The following LINGO2 variants were observed in gnomAD, a reference collection of about 807,000 sequenced individuals.
The protein encoded by LINGO2 is leucine rich repeat and Ig domain containing 2, also known as leucine-rich repeat and immunoglobulin-like domain-containing nogo receptor-interacting protein 2.
In LINGO2, 14 loss-of-function variants were observed where a neutral mutation model predicts 30.6. That is an observed-to-expected ratio of 0.46 (90% CI 0.30 to 0.72). LINGO2 has a LOEUF of 0.72. Among genes scored for constraint, LINGO2 ranks in the 30% least tolerant of loss-of-function variants. LINGO2 has a pLI of 0.07. For synonymous variants in LINGO2, 317 were observed against 288.5 expected (o/e 1.10, Z -1.00); for missense variants, 729 against 751.7 (o/e 0.97, Z 0.35).
chr9:28,607,056 T>C (rs926917260), intron 1 of LINGO2, among the ~76,000 whole-genome samples: 4 of 152,000 alleles, frequency 2.6e-5, no homozygotes, highest in African/African-American at 4.8e-5. Flanking sequence ...CCGAAGGAAA[T>C]GTGGGAAATA....
the LINGO2 span, among the ~76,000 whole-genome samples, chr9:28,692,341 G>T: frequency 1.3e-5 from 2 of 152,096 alleles, no homozygotes; most frequent in Admixed American, 6.5e-5. Flanking sequence ...CAAGTGTGGT[G>T]GTGTGCACCT....
At chr9:28,789,569 G>GAATTGAA in the LINGO2 span, among the ~76,000 whole-genome samples, 1 of 152,118 alleles carries the variant, frequency 6.6e-6, no homozygotes, top group Admixed American at 6.5e-5. Context: ...GGTACCTGTT[G>GAATTGAA]CTAGTCAGGT....
At chr9:29,060,059 T>A in the LINGO2 span, among the ~76,000 whole-genome samples, 1 of 152,042 alleles carries the variant, frequency 6.6e-6, no homozygotes, top group African/African-American at 2.4e-5. Flanking sequence ...TGGAGAGGAA[T>A]CTAAACTTGG....
At chr9:28,776,821 C>G in the LINGO2 span, among the ~76,000 whole-genome samples, 1 of 150,628 alleles carries the variant, frequency 6.6e-6, no homozygotes, top group African/African-American at 2.4e-5. Flanking sequence ...CCCAGTCACA[C>G]AGCTGCCTCT....
intron 4 of LINGO2, among the ~76,000 whole-genome samples, chr9:28,142,814 C>G (rs766386713): frequency 7.2e-5 from 11 of 152,082 alleles, no homozygotes; most frequent in Non-Finnish European, 1.2e-4. Context: ...GCCAAGTAAA[C>G]CTCTACTATT....
chr9:29,161,164 C>T, the LINGO2 span, among the ~76,000 whole-genome samples: 1 of 152,160 alleles, frequency 6.6e-6, no homozygotes, highest in African/African-American at 2.4e-5. Flanking sequence ...GTGTGGGGAC[C>T]ACAGGAGGCA....
At chr9:28,869,443 G>A in the LINGO2 span, among the ~76,000 whole-genome samples, 6 of 152,054 alleles carry the variant, frequency 3.9e-5, no homozygotes. Flanking sequence ...CAAGGAGTGG[G>A]GGGAGGGGTC....
At chr9:28,687,797 C>G in the LINGO2 span, among the ~76,000 whole-genome samples, 1 of 152,008 alleles carries the variant, frequency 6.6e-6, no homozygotes, top group Admixed American at 6.6e-5. Flanking sequence ...AAATGTACAA[C>G]AATTCAATAT....
chr9:28,673,015 A>G (rs1829080890), upstream of LINGO2, among the ~76,000 whole-genome samples: 2 of 152,296 alleles, frequency 1.3e-5, no homozygotes, highest in African/African-American at 4.8e-5. Flanking sequence ...TTCTAATTAG[A>G]AAACTAAATG....
intron 4 of LINGO2, among the ~76,000 whole-genome samples, chr9:28,154,860 GTTGTT>G (rs1828091363): frequency 1.3e-5 from 2 of 152,202 alleles, no homozygotes; most frequent in Admixed American, 1.3e-4. Flanking sequence ...ACTCAAACTA[GTTGTT>G]TTATTTCTTA....
At chr9:28,201,852 A>G (rs1047378585) in intron 4 of LINGO2, among the ~76,000 whole-genome samples, 1 of 151,316 alleles carries the variant, frequency 6.6e-6, no homozygotes, top group African/African-American at 2.4e-5. Flanking sequence ...CAACCTTCAT[A>G]AGAGAACTCA....
the LINGO2 span, among the ~76,000 whole-genome samples, chr9:29,065,670 C>A: frequency 5.3e-5 from 8 of 151,906 alleles, 1 homozygote; most frequent in South Asian, 1.7e-3. Flanking sequence ...TGCCTTTAAA[C>A]CTATTCAATC....
In LINGO2 at chr9:28,477,728, C is replaced by T. The variant is rs568780286; in HGVS notation, c.-364-1703G>A. Among the ~76,000 whole-genome samples the T allele has an allele frequency of 2.0e-4, 30 of 152,298 alleles. 1 individual carries two copies. The highest frequency in any genetic ancestry group is 6.0e-4 in the African/African-American group (25 of 41,578). On this transcript the variant is annotated intron_variant, in intron 1 of 5. Transcript: ENST00000379992. Reference sequence around the variant, plus strand: ...TTTCTACCTGTTCTCACTGATCCCACGCTTGACACCTTCTACAATAAATTG... The same window carrying T: ...TTTCTACCTGTTCTCACTGATCCCATGCTTGACACCTTCTACAATAAATTG...
At chr9:29,150,580 G>A in the LINGO2 span, among the ~76,000 whole-genome samples, 2 of 152,106 alleles carry the variant, frequency 1.3e-5, no homozygotes, top group South Asian at 2.1e-4. Flanking sequence ...AAAGCAAATT[G>A]AATGTCTGGA....
intron 4 of LINGO2, among the ~76,000 whole-genome samples, chr9:28,014,847 T>G (rs1822746738): frequency 6.6e-6 from 1 of 152,160 alleles, no homozygotes; most frequent in Non-Finnish European, 1.5e-5. Context: ...GACTACTACC[T>G]CATGCAAATT....
intron 4 of LINGO2, among the ~76,000 whole-genome samples, chr9:28,067,810 C>T (rs945362007): frequency 3.9e-5 from 6 of 152,118 alleles, no homozygotes; most frequent in African/African-American, 1.4e-4. Flanking sequence ...GCATCAACTT[C>T]TTCGATTATC....
intron 1 of LINGO2, among the ~76,000 whole-genome samples, chr9:28,629,099 T>C (rs1270324794): frequency 1.3e-5 from 2 of 152,114 alleles, no homozygotes; most frequent in Admixed American, 1.3e-4. Context: ...CAAGTAGGCA[T>C]GAAACTGAAC....
the LINGO2 span, among the ~76,000 whole-genome samples, chr9:28,883,380 C>T: frequency 2.0e-5 from 3 of 151,264 alleles, no homozygotes; most frequent in Non-Finnish European, 2.9e-5. Context: ...TGTCTTTAAC[C>T]TCAGGTTGTT....
chr9:28,355,303 C>CTGTCTCTCTCTCTCTCTCTCTGTCTCTG (rs1820136652), intron 3 of LINGO2, among the ~76,000 whole-genome samples: 1 of 20,960 alleles, frequency 4.8e-5, no homozygotes. Context: ...CTCTATGTCT[C>CTGTCTCTCTCTCTCTCTCTCTGTCTCTG]TCTCTCTCTC....
Sources: allele counts gnomAD v4.1 joint callset (sites outside exome capture counted in the v4.1 genomes callset), GRCh38; gene constraint gnomAD v4.1.1; transcripts MANE v1.5; gene names NCBI Gene and HGNC (gene_info 2026-07-23, HGNC 2026-07-21).